The following ADAMTS17 variants were observed in gnomAD, a reference collection of about 807,000 sequenced individuals.
ADAMTS17 encodes A disintegrin and metalloproteinase with thrombospondin motifs 17.
In ADAMTS17, 113 loss-of-function variants were observed where a neutral mutation model predicts 141.5. The observed-to-expected ratio is 0.80, with a 90% CI of 0.69 to 0.93. The LOEUF (loss-of-function observed/expected upper bound fraction) is 0.93. ADAMTS17 is among the 40% of genes least tolerant of loss of function. ADAMTS17 has a pLI of 0.00. For synonymous variants in ADAMTS17, 768 were observed against 630.6 expected, an observed-to-expected ratio of 1.22 and a Z score of -3.27; for missense variants, 1,659 against 1,517.9, an observed-to-expected ratio of 1.09 and a Z score of -1.54.
chr15:99,974,305 G>A lies in ADAMTS17; in HGVS notation c.*97C>T. The A allele has an allele frequency of 1.3e-6, 2 of 1,523,428 alleles. No individual in the cohort carries two copies. Among genetic ancestry groups the A allele is most frequent in the South Asian group, 2.3e-5 (2 of 88,812 alleles). 94.4% of individuals were successfully genotyped at this position (1,523,428 alleles called of 1,614,324 possible). ...TGTTCTATGTAGTTGGATTCTTGTGGCAGCCGGGTGGGGGCGTGGCCACAA... is the reference window on the plus strand; with the variant it reads ...TGTTCTATGTAGTTGGATTCTTGTGACAGCCGGGTGGGGGCGTGGCCACAA... On this transcript the variant is annotated 3_prime_UTR_variant, in exon 22 of 22. Coordinates refer to ENST00000268070, the MANE Select transcript of ADAMTS17 (RefSeq NM_139057.4).
chr15:100,124,148 T>G (rs1319768699), intron 12 of ADAMTS17, among the ~76,000 whole-genome samples: 1 of 152,080 alleles, frequency 6.6e-6, no homozygotes, highest in African/African-American at 2.4e-5. Flanking sequence ...GTATTTTTAG[T>G]AGAGATGGGG....
chr15:100,286,418 C>T (rs959772061), intron 3 of ADAMTS17, among the ~76,000 whole-genome samples: 9 of 152,128 alleles, frequency 5.9e-5, no homozygotes, highest in African/African-American at 2.2e-4. Context: ...GGCCAGCACC[C>T]CACATCGAAG....
intron 7 of ADAMTS17, among the ~76,000 whole-genome samples, chr15:100,224,352 G>C (rs1453706583): frequency 1.3e-5 from 2 of 152,148 alleles, no homozygotes; most frequent in East Asian, 1.9e-4. Context: ...GAGGGAGAGG[G>C]AACAGGATGG....
chr15:100,063,382 G>A (rs1442773928), intron 15 of ADAMTS17, among the ~76,000 whole-genome samples: 1 of 152,184 alleles, frequency 6.6e-6, no homozygotes, highest in Non-Finnish European at 1.5e-5. Context: ...TTGGGGGACT[G>A]GTAACCTGCC....
intron 18 of ADAMTS17, among the ~76,000 whole-genome samples, chr15:100,019,398 T>C (rs1049981818): frequency 6.6e-6 from 1 of 152,192 alleles, no homozygotes; most frequent in Non-Finnish European, 1.5e-5. Context: ...ATTGTAAAGA[T>C]TTGTTAAAAC....
intron 18 of ADAMTS17, among the ~76,000 whole-genome samples, chr15:100,021,013 C>T (rs1054873201): frequency 6.6e-6 from 1 of 152,204 alleles, no homozygotes; most frequent in Non-Finnish European, 1.5e-5. Flanking sequence ...TCTAAGCTAG[C>T]TTGGCTCTTT....
chr15:100,066,244 G>A (rs1232547129), intron 15 of ADAMTS17, among the ~76,000 whole-genome samples: 1 of 152,098 alleles, frequency 6.6e-6, no homozygotes, highest in Non-Finnish European at 1.5e-5. Flanking sequence ...TCATGAAGAG[G>A]TATTAAAGTT....
intron 2 of ADAMTS17, among the ~76,000 whole-genome samples, chr15:100,336,238 C>T (rs1210248028): frequency 6.6e-6 from 1 of 152,188 alleles, no homozygotes; most frequent in Non-Finnish European, 1.5e-5. Flanking sequence ...GTCAGCCCAG[C>T]CCTGGAGAGC....
At chr15:100,258,542 T>C (rs146348447) in intron 6 of ADAMTS17, among the ~76,000 whole-genome samples, 1,884 of 152,316 alleles carry the variant, frequency 0.012, 18 homozygotes, top group South Asian at 0.022. Flanking sequence ...ACGTCTCACA[T>C]GGCAGCAGGC....
At chr15:100,002,902 CA>C (rs1393726606) in intron 18 of ADAMTS17, among the ~76,000 whole-genome samples, 7 of 152,068 alleles carry the variant, frequency 4.6e-5, no homozygotes, top group African/African-American at 1.5e-4. Flanking sequence ...CAGAGCCTCA[CA>C]GGGGGAGGGT....
chr15:100,213,614 A>G (rs1340215336), intron 7 of ADAMTS17, among the ~76,000 whole-genome samples: 1 of 152,224 alleles, frequency 6.6e-6, no homozygotes, highest in African/African-American at 2.4e-5. Flanking sequence ...AAACTTGAAG[A>G]CAAGGCAGGA....
intron 6 of ADAMTS17, among the ~76,000 whole-genome samples, chr15:100,254,909 C>A (rs893742592): frequency 6.6e-6 from 1 of 152,072 alleles, no homozygotes; most frequent in Non-Finnish European, 1.5e-5. Flanking sequence ...GGGCTTAATA[C>A]CTAGGTGACG....
intron 8 of ADAMTS17, among the ~76,000 whole-genome samples, chr15:100,157,887 TC>T (rs2039508649): frequency 1.4e-5 from 2 of 147,354 alleles, no homozygotes; most frequent in African/African-American, 4.9e-5. Flanking sequence ...TTAGCTATAT[TC>T]TTTTTTTTTT....
At chr15:100,157,792 C>T (rs1240648455) in intron 8 of ADAMTS17, among the ~76,000 whole-genome samples, 1 of 152,174 alleles carries the variant, frequency 6.6e-6, no homozygotes, top group Admixed American at 6.5e-5. Context: ...GTCTCGTCCT[C>T]ATGCCTCAGT....
rs1392356933 is a variant in ADAMTS17 at position 100,341,885 on chromosome 15, G to T, written c.15C>A (p.Ala5=). 3 of 1,551,390 alleles carry T rather than the reference G, an allele frequency of 1.9e-6. No individual in the cohort carries two copies. Among genetic ancestry groups the T allele is most frequent in the Non-Finnish European group, 2.6e-6 (3 of 1,147,548 alleles). Residue 5 remains alanine (A), a synonymous_variant, in exon 1 of 22, where the codon GCC becomes GCA. Transcript: ENST00000268070. The part of the protein sequence containing the change: MCDG[A]LLPPLVLPVL... ...CGGGCAGGACGAGCGGAGGCAGCAG[G>T]GCGCCGTCACACATGGTACCCGGGA...
intron 20 of ADAMTS17, among the ~76,000 whole-genome samples, chr15:99,985,051 G>A (rs954819344): frequency 6.6e-6 from 1 of 152,322 alleles, no homozygotes; most frequent in African/African-American, 2.4e-5. Flanking sequence ...CTGGGACCTC[G>A]CTGCTCTTCA....
chr15:100,341,277 G>T lies in ADAMTS17; in HGVS notation c.212C>A (p.Ala71Asp). The T allele has an allele frequency of 8.5e-7, 1 of 1,177,574 alleles. No individual in the cohort carries two copies. Among genetic ancestry groups the T allele is most frequent in the Non-Finnish European group, 1.0e-6 (1 of 956,966 alleles). The allele number at this position is 1,177,574 out of a possible 1,614,324, so 72.9% of individuals were successfully genotyped here. A position where few individuals can be genotyped will look rare whatever the true frequency, so the allele number is the denominator to read the frequency against. The change falls in exon 2 of 22, where the codon GCC becomes GAC. Residue 71 changes from alanine to aspartate, a missense_variant. Transcript: ENST00000268070. ...GCGCTCTCCGGGCCGGGCGCGCGGG[G>T]CGGCTGGGGGCGTGCGGGGGCGTCG... ...RRRRPRTPPA[A>D]PRARPGERAL...
chr15:100,340,867 G>A (rs751057751), intron 2 of ADAMTS17, 172 bp downstream of exon 2: 1 of 1,022,096 alleles, frequency 9.8e-7, no homozygotes, highest in East Asian at 2.9e-5. Context: ...TGCCTATAGA[G>A]GGTACCGAAG....
chr15:100,200,891 G>A (rs2170280), intron 7 of ADAMTS17, among the ~76,000 whole-genome samples: 38,248 of 151,490 alleles, frequency 0.25, 5,193 homozygotes, highest in East Asian at 0.41. Context: ...TCCCTCTGTC[G>A]AGCTGCACCT....
Sources: gnomAD v4.1 joint callset for allele counts (sites outside exome capture counted in the v4.1 genomes callset) on GRCh38, gnomAD v4.1.1 for gene constraint, MANE v1.5 for transcripts, NCBI Gene and HGNC (gene_info 2026-07-23, HGNC 2026-07-21) for gene names.